The following TRPM3 variants were observed in gnomAD, a reference collection of about 807,000 sequenced individuals.
The protein encoded by TRPM3 is long transient receptor potential channel 3.
A neutral mutation model predicts 181.2 loss-of-function variants in TRPM3; 77 were observed. The observed-to-expected ratio is 0.42, with a 90% CI of 0.35 to 0.51. TRPM3 has a LOEUF of 0.51. TRPM3 is among the 20% of genes least tolerant of loss of function. The probability of loss-of-function intolerance (pLI) is 0.01; values close to 1 mark genes in which losing one functional copy is unlikely to be tolerated. For synonymous variants in TRPM3, 745 were observed against 796.4 expected (o/e 0.94, Z 1.09); for missense variants, 1,759 against 2,196.7 (o/e 0.80, Z 3.98).
intron 22 of TRPM3, among the ~76,000 whole-genome samples, chr9:70,584,464 T>G (rs927965117): frequency 6.6e-6 from 1 of 152,192 alleles, no homozygotes; most frequent in Admixed American, 6.5e-5. Context: ...CTGTCATTAT[T>G]GTGAACAACT....
At chr9:71,221,559 C>T (rs2080241976) in intron 1 of TRPM3, among the ~76,000 whole-genome samples, 1 of 152,106 alleles carries the variant, frequency 6.6e-6, no homozygotes. Flanking sequence ...GTTTTTGGCA[C>T]TTATCACGTA....
intron 1 of TRPM3, among the ~76,000 whole-genome samples, chr9:71,203,731 T>C (rs539547178): frequency 7.2e-5 from 11 of 152,292 alleles, no homozygotes; most frequent in African/African-American, 2.6e-4. Flanking sequence ...TGGTACTCTG[T>C]ACAGTGCCTG....
At chr9:71,350,279 A>T (rs943171931) in intron 1 of TRPM3, among the ~76,000 whole-genome samples, 4 of 152,178 alleles carry the variant, frequency 2.6e-5, no homozygotes, top group African/African-American at 7.2e-5. Context: ...GTCAATCATG[A>T]CAACAGAACT....
At chr9:71,118,138 TC>T (rs1465921888) in intron 1 of TRPM3, among the ~76,000 whole-genome samples, 1 of 151,988 alleles carries the variant, frequency 6.6e-6, no homozygotes, top group Non-Finnish European at 1.5e-5. Flanking sequence ...GTAGAAAGGG[TC>T]CCATTTGAAA....
chr9:70,795,455 T>A (rs2086777886), intron 6 of TRPM3, among the ~76,000 whole-genome samples: 1 of 152,238 alleles, frequency 6.6e-6, no homozygotes, highest in Non-Finnish European at 1.5e-5. Context: ...ACATTTAAAC[T>A]GAAAGAAGGC....
intron 1 of TRPM3, among the ~76,000 whole-genome samples, chr9:71,426,151 T>A (rs187489769): frequency 6.6e-6 from 1 of 152,174 alleles, no homozygotes; most frequent in African/African-American, 2.4e-5. Context: ...AGGACAGCAG[T>A]AAGCCCAGCG....
chr9:71,272,482 T>G (rs967895074), intron 1 of TRPM3, among the ~76,000 whole-genome samples: 3 of 152,136 alleles, frequency 2.0e-5, no homozygotes, highest in Non-Finnish European at 4.4e-5. Flanking sequence ...ATTTATAAAT[T>G]TATTCACTCC....
At chr9:70,862,256 G>A (rs1206813022) in intron 3 of TRPM3, among the ~76,000 whole-genome samples, 1 of 152,126 alleles carries the variant, frequency 6.6e-6, no homozygotes, top group African/African-American at 2.4e-5. Flanking sequence ...TAACTAGGAA[G>A]TGGCCCATGA....
intron 9 of TRPM3, among the ~76,000 whole-genome samples, chr9:70,653,409 C>T: frequency 6.6e-6 from 1 of 151,896 alleles, no homozygotes; most frequent in Non-Finnish European, 1.5e-5. Context: ...GGTAAGACAT[C>T]ACAAGCATGT....
intron 1 of TRPM3, among the ~76,000 whole-genome samples, chr9:71,109,776 A>C (rs894462886): frequency 6.6e-6 from 1 of 152,146 alleles, no homozygotes; most frequent in Non-Finnish European, 1.5e-5. Context: ...AGGAGTTTGG[A>C]ATTAGAAAAG....
chr9:70,900,825 A>G (rs1180529348), intron 1 of TRPM3, among the ~76,000 whole-genome samples: 1 of 152,236 alleles, frequency 6.6e-6, no homozygotes, highest in Non-Finnish European at 1.5e-5. Flanking sequence ...TAGAGCAAGA[A>G]TCTATATCTG....
intron 1 of TRPM3, among the ~76,000 whole-genome samples, chr9:71,373,675 C>G (rs1387426601): frequency 2.0e-5 from 3 of 152,026 alleles, no homozygotes; most frequent in Non-Finnish European, 2.9e-5. Context: ...CAGACAGATT[C>G]ATAGCTGAAT....
At chr9:71,071,426 G>A (rs1431224793) in intron 1 of TRPM3, among the ~76,000 whole-genome samples, 2 of 152,198 alleles carry the variant, frequency 1.3e-5, no homozygotes, top group Admixed American at 1.3e-4. Context: ...GAGCTTAGCT[G>A]TGGGTAATTA....
intron 1 of TRPM3, among the ~76,000 whole-genome samples, chr9:71,315,784 A>C (rs1268300858): frequency 6.6e-6 from 1 of 152,188 alleles, no homozygotes; most frequent in Non-Finnish European, 1.5e-5. Flanking sequence ...TTTTGTGACA[A>C]CTGGGACTTT....
At chr9:71,391,402 C>T (rs2093059431) in intron 1 of TRPM3, among the ~76,000 whole-genome samples, 2 of 151,990 alleles carry the variant, frequency 1.3e-5, no homozygotes, top group Admixed American at 1.3e-4. Context: ...GAAAAAATCG[C>T]TGATAAAATA....
intron 5 of TRPM3, among the ~76,000 whole-genome samples, chr9:70,836,412 T>G (rs981405246): frequency 6.6e-6 from 1 of 152,182 alleles, no homozygotes; most frequent in Non-Finnish European, 1.5e-5. Flanking sequence ...CTCTGCCAAC[T>G]CTGCTTCTCC....
At chr9:70,896,232 G>A (rs968772325) in intron 1 of TRPM3, among the ~76,000 whole-genome samples, 3 of 152,170 alleles carry the variant, frequency 2.0e-5, no homozygotes, top group African/African-American at 4.8e-5. Flanking sequence ...CACAGTGGCA[G>A]AACAGCTCAA....
chr9:71,355,367 T>C (rs563511727), intron 1 of TRPM3, among the ~76,000 whole-genome samples: 3 of 152,268 alleles, frequency 2.0e-5, no homozygotes, highest in East Asian at 3.9e-4. Context: ...GAGAATGCCA[T>C]GTAAAGACAG....
At chr9:71,418,792 C>G in intron 1 of TRPM3, among the ~76,000 whole-genome samples, 1 of 103,872 alleles carries the variant, frequency 9.6e-6, no homozygotes, top group South Asian at 3.7e-4. Context: ...TATATACATC[C>G]TTTGAGATAC....
Sources: gnomAD v4.1 joint callset for allele counts (sites outside exome capture counted in the v4.1 genomes callset) on GRCh38, gnomAD v4.1.1 for gene constraint, MANE v1.5 for transcripts, NCBI Gene and HGNC (gene_info 2026-07-23, HGNC 2026-07-21) for gene names.